The following FSHR variants were observed in gnomAD, a reference collection of about 807,000 sequenced individuals.
The protein encoded by FSHR is follicle stimulating hormone receptor, also known as follicle-stimulating hormone receptor.
FSHR carries 46 observed loss-of-function variants against 52.1 expected under a neutral mutation model. The observed-to-expected ratio is 0.88, with a 90% CI of 0.70 to 1.13. The LOEUF is 1.13. Among genes scored for constraint, FSHR ranks in the 50% most tolerant of loss-of-function variants. The pLI, the probability that FSHR is intolerant of heterozygous loss-of-function variation, is 0.00. For missense variants in FSHR, 964 were observed against 834.6 expected (o/e 1.16, Z -1.91); for synonymous variants, 399 against 309.6 (o/e 1.29, Z -3.03).
intron 8 of FSHR, among the ~76,000 whole-genome samples, chr2:48,978,156 G>A (rs1420734161): frequency 1.3e-5 from 2 of 152,128 alleles, no homozygotes; most frequent in Non-Finnish European, 2.9e-5. Context: ...TGGGTAGGAG[G>A]GTAGTAAGAG....
chr2:49,028,697 T>A (rs1027059836), intron 2 of FSHR, among the ~76,000 whole-genome samples: 3 of 152,212 alleles, frequency 2.0e-5, no homozygotes. Flanking sequence ...TGGTGTGTGC[T>A]ATTTCAGGCC....
chr2:48,963,205 A>T lies in FSHR; in HGVS notation c.1616T>A (p.Val539Asp). ...GCCACAGATGACCACAAAGGCCAGG[A>T]CATTGAGCACAAGGAGGGACATGAC... ...LYVMSLLVLN[V>D]LAFVVICGCY... The change falls in exon 10 of 10, where the codon GTC (valine) becomes GAC (aspartate). Residue 539 changes from valine to aspartate, a missense_variant. By Grantham distance (152) the Val-to-Asp change is radical. Transcript: ENST00000406846. 6.2e-7 allele frequency: 1 copy of T among 1,614,154 alleles called. No homozygotes were observed. The highest frequency in any genetic ancestry group is 8.5e-7 in the Non-Finnish European group (1 of 1,180,014).
intron 2 of FSHR, among the ~76,000 whole-genome samples, chr2:49,063,762 G>A (rs6722885): frequency 0.41 from 61,660 of 151,904 alleles, 13,523 homozygotes; most frequent in East Asian, 0.7. Flanking sequence ...CTATAGCACT[G>A]TAGGGCAACT....
intron 1 of FSHR, among the ~76,000 whole-genome samples, chr2:49,111,038 T>C (rs775979285): frequency 9.2e-5 from 14 of 152,204 alleles, no homozygotes; most frequent in Non-Finnish European, 1.6e-4. Flanking sequence ...CTGCTTTATG[T>C]ATGGCCTGTG....
intron 2 of FSHR, chr2:49,059,588 C>T (rs75990489): frequency 1.5e-3 from 226 of 152,718 alleles, no homozygotes; most frequent in African/African-American, 5.3e-3. Flanking sequence ...AAGACTGATA[C>T]TATTAGGCTG....
intron 2 of FSHR, among the ~76,000 whole-genome samples, chr2:49,030,315 T>TGTGTGTGTGTGTGTG (rs1558400395): frequency 1.4e-5 from 2 of 143,686 alleles, no homozygotes; most frequent in African/African-American, 2.6e-5. Flanking sequence ...TGTGTGTGTG[T>TGTGTGTGTGTGTGTG]TATTGGAGGC....
chr2:48,969,027 C>A, intron 8 of FSHR, 144 bp from the exon 9 acceptor site: 1 of 757,726 alleles, frequency 1.3e-6, no homozygotes, highest in South Asian at 1.6e-5. Context: ...CACACCTTGG[C>A]CAGATGGATA....
intron 1 of FSHR, among the ~76,000 whole-genome samples, chr2:49,106,264 A>G (rs1354221601): frequency 6.6e-6 from 1 of 152,192 alleles, no homozygotes; most frequent in Non-Finnish European, 1.5e-5. Flanking sequence ...GCAAGGGCAC[A>G]CTTATACCTA....
chr2:49,061,696 TTTATATATA>T (rs1285885203), intron 2 of FSHR, among the ~76,000 whole-genome samples: 1 of 140,724 alleles, frequency 7.1e-6, no homozygotes, highest in African/African-American at 2.7e-5. Context: ...TATATTTATA[TTTATATATA>T]TTATATATAA....
intron 1 of FSHR, among the ~76,000 whole-genome samples, chr2:49,117,646 AG>A (rs746498424): frequency 1.5e-4 from 23 of 152,204 alleles, no homozygotes; most frequent in Non-Finnish European, 3.4e-4. Context: ...TGATATCAAA[AG>A]CCCAGTAACT....
intron 6 of FSHR, among the ~76,000 whole-genome samples, chr2:48,988,421 C>T (rs11125190): frequency 1.3e-5 from 2 of 151,978 alleles, no homozygotes; most frequent in African/African-American, 2.4e-5. Context: ...GCTACAGGGG[C>T]TACTGGCATA....
At chr2:49,150,331 A>C (rs542406268) in intron 1 of FSHR, among the ~76,000 whole-genome samples, 1 of 151,940 alleles carries the variant, frequency 6.6e-6, no homozygotes, top group African/African-American at 2.4e-5. Context: ...GTTGTAAACT[A>C]CCTCAGAGTT....
At chr2:49,018,009 GA>G (rs1387937021) in intron 3 of FSHR, among the ~76,000 whole-genome samples, 1 of 152,014 alleles carries the variant, frequency 6.6e-6, no homozygotes, top group Non-Finnish European at 1.5e-5. Context: ...AAAGAGCAAT[GA>G]AAAATGGAAA....
intron 1 of FSHR, among the ~76,000 whole-genome samples, chr2:49,144,239 C>G (rs1269571416): frequency 1.3e-5 from 2 of 152,114 alleles, no homozygotes; most frequent in Non-Finnish European, 2.9e-5. Flanking sequence ...TGCAGCAATT[C>G]CCCAACAAAC....
At chr2:48,981,090 G>T (rs532758446) in intron 8 of FSHR, among the ~76,000 whole-genome samples, 3 of 152,114 alleles carry the variant, frequency 2.0e-5, no homozygotes, top group East Asian at 1.9e-4. Context: ...TTTGTCTCCC[G>T]AGTACTCTAA....
chr2:49,066,449 AGACT>A (rs1669504985), intron 2 of FSHR, among the ~76,000 whole-genome samples: 1 of 152,092 alleles, frequency 6.6e-6, no homozygotes, highest in Non-Finnish European at 1.5e-5. Context: ...GTGAGCACGG[AGACT>A]GAGGAATACG....
intron 1 of FSHR, among the ~76,000 whole-genome samples, chr2:49,151,660 C>G (rs892923649): frequency 2.0e-5 from 3 of 152,080 alleles, no homozygotes; most frequent in Non-Finnish European, 4.4e-5. Flanking sequence ...ATGGATTAAG[C>G]AATTGCAGTC....
At position 49,011,494 on chromosome 2, in the gene FSHR, A is replaced by T. The variant is rs369635694; in HGVS notation, c.374+5995T>A. On this transcript the variant is annotated intron_variant, in intron 4 of 9. Coordinates refer to ENST00000406846, the MANE Select transcript of FSHR (RefSeq NM_000145.4). ...TAGGTGTGGTGTGGTGCTGAAAAAA[A>T]TATATATTCTGTTGATTTGGGGTGG... is the stretch of plus-strand genomic sequence containing the variant. Among the ~76,000 whole-genome samples the T allele has an allele frequency of 2.0e-5, 3 of 152,134 alleles. No homozygotes were observed. In the South Asian group the frequency reaches 6.2e-4, roughly 32 times the overall value.
At position 48,990,615 on chromosome 2, in the gene FSHR, T is replaced by TA. The variant is rs777165286; in HGVS notation, c.396dup (p.Lys133Ter). The TA allele has an allele frequency of 6.2e-6, 10 of 1,611,110 alleles. No homozygotes were observed. Among genetic ancestry groups the TA allele is most frequent in the Non-Finnish European group, 8.5e-6 (10 of 1,177,450 alleles). ...ATCTTGTGAACATCTGGAAGGTGCT[T>TA]AATACCTGTGTTGGATATTAACCTA... On this transcript the variant is annotated frameshift_variant, in exon 5 of 10. Coordinates refer to ENST00000406846, the MANE Select transcript of FSHR (RefSeq NM_000145.4). LOFTEE classifies it high-confidence loss of function.
Sources: gnomAD v4.1 joint callset for allele counts (sites outside exome capture counted in the v4.1 genomes callset) on GRCh38, gnomAD v4.1.1 for gene constraint, MANE v1.5 for transcripts, NCBI Gene and HGNC (gene_info 2026-07-23, HGNC 2026-07-21) for gene names.